The following LRCH1 variants were observed in gnomAD, a reference collection of about 807,000 sequenced individuals.
LRCH1 encodes the protein leucine rich repeats and calponin homology domain containing 1.
Under a neutral mutation model 94.9 loss-of-function variants are expected in LRCH1, and 23 were observed. The observed-to-expected ratio is 0.24, with a 90% CI of 0.17 to 0.34. The LOEUF (loss-of-function observed/expected upper bound fraction) is 0.34. LRCH1 is among the 10% of genes least tolerant of loss of function. The probability of loss-of-function intolerance (pLI) is 1.00; values close to 1 mark genes in which losing one functional copy is unlikely to be tolerated. For synonymous variants in LRCH1, 364 were observed against 354.9 expected, an observed-to-expected ratio of 1.03 and a Z score of -0.29; for missense variants, 790 against 945.9, an observed-to-expected ratio of 0.84 and a Z score of 2.16.
intron 3 of LRCH1, among the ~76,000 whole-genome samples, chr13:46,677,255 C>CAAAAAAAAAAAAAAAAAA (rs67827727): frequency 3.1e-5 from 3 of 98,076 alleles, no homozygotes; most frequent in Non-Finnish European, 4.1e-5. Flanking sequence ...ACTAAAAATA[C>CAAAAAAAAAAAAAAAAAA]AAAAAAAAAA....
intron 3 of LRCH1, among the ~76,000 whole-genome samples, chr13:46,673,390 A>G (rs1187689206): frequency 6.6e-6 from 1 of 152,232 alleles, no homozygotes; most frequent in Non-Finnish European, 1.5e-5. Context: ...GCTTAAGGTC[A>G]CGGTCTAAAA....
intron 1 of LRCH1, among the ~76,000 whole-genome samples, chr13:46,558,731 T>TCAAA (rs894027465): frequency 1.3e-5 from 2 of 152,092 alleles, no homozygotes; most frequent in Admixed American, 6.5e-5. Context: ...AGACTCTGTC[T>TCAAA]CAAACAAACA....
intron 11 of LRCH1, among the ~76,000 whole-genome samples, chr13:46,702,241 C>G (rs956048463): frequency 1.3e-5 from 2 of 152,186 alleles, no homozygotes; most frequent in Admixed American, 6.5e-5. Flanking sequence ...GTGGCTCACA[C>G]CTGTGATCCC....
intron 10 of LRCH1, among the ~76,000 whole-genome samples, chr13:46,700,248 C>G (rs956338066): frequency 1.3e-5 from 2 of 152,100 alleles, no homozygotes; most frequent in Non-Finnish European, 2.9e-5. Flanking sequence ...CAGGGTTTTT[C>G]TTCTTAGTGA....
intron 3 of LRCH1, among the ~76,000 whole-genome samples, chr13:46,673,368 G>A (rs2138126105): frequency 6.6e-6 from 1 of 152,274 alleles, no homozygotes; most frequent in Admixed American, 6.5e-5. Context: ...ACCACAAAGA[G>A]GGACTGGCCT....
chr13:46,685,788 T>G, intron 4 of LRCH1, 117 bp from the exon 5 acceptor site: 1 of 714,548 alleles, frequency 1.4e-6, no homozygotes, highest in Non-Finnish European at 2.2e-6. Context: ...TGCCTTTGAT[T>G]ATACTCAATT....
chr13:46,581,231 A>G (rs1018230913), intron 1 of LRCH1, among the ~76,000 whole-genome samples: 3 of 152,160 alleles, frequency 2.0e-5, no homozygotes, highest in Non-Finnish European at 4.4e-5. Context: ...AGCCCCTGCA[A>G]CAGGAGAGCT....
At chr13:46,652,298 G>C (rs1322471204) in intron 2 of LRCH1, among the ~76,000 whole-genome samples, 2 of 151,864 alleles carry the variant, frequency 1.3e-5, no homozygotes, top group Admixed American at 1.3e-4. Context: ...GGATGGTCTC[G>C]ATCTCCTGAC....
chr13:46,616,436 C>G (rs1049238834), intron 1 of LRCH1, among the ~76,000 whole-genome samples: 3 of 152,214 alleles, frequency 2.0e-5, no homozygotes, highest in Non-Finnish European at 2.9e-5. Flanking sequence ...AGTCTTTGGT[C>G]ATAAGCCTGA....
intron 1 of LRCH1, among the ~76,000 whole-genome samples, chr13:46,609,486 C>T (rs1252317232): frequency 6.6e-6 from 1 of 152,104 alleles, no homozygotes. Context: ...TTTTTATAAA[C>T]ATGTAGCTAC....
chr13:46,681,746 C>A lies in LRCH1; in HGVS notation c.585C>A (p.Val195=). ...TCTCTCTGCTTTTGATACAGGATGTCAGCTGCAACGAGATCACAGCGTTGC... is the reference window on the plus strand; with the variant it reads ...TCTCTCTGCTTTTGATACAGGATGTAAGCTGCAACGAGATCACAGCGTTGC... ...GQLKQLMELD[V]SCNEITALPQ... Residue 195 remains valine (V), a synonymous_variant, in exon 4 of 20, where the codon GTC becomes GTA. Transcript: ENST00000389797. The A allele has an allele frequency of 6.2e-7, 1 of 1,606,552 alleles. No homozygotes were observed. The highest frequency in any genetic ancestry group is 1.1e-5 in the South Asian group (1 of 90,892).
intron 4 of LRCH1, among the ~76,000 whole-genome samples, chr13:46,683,986 C>T (rs1870470566): frequency 3.3e-5 from 5 of 152,126 alleles, no homozygotes. Flanking sequence ...ATATGTTTTT[C>T]CTCTTTGGAT....
At chr13:46,719,931 G>A (rs1023806540) in intron 16 of LRCH1, among the ~76,000 whole-genome samples, 5 of 152,152 alleles carry the variant, frequency 3.3e-5, no homozygotes, top group African/African-American at 1.2e-4. Flanking sequence ...CTGGGAGGCG[G>A]AGTTTGCAGT....
intron 2 of LRCH1, among the ~76,000 whole-genome samples, chr13:46,655,340 A>G (rs1361046163): frequency 6.6e-6 from 1 of 152,198 alleles, no homozygotes. Context: ...ACACTTACAT[A>G]TTTTTCACAT....
At chr13:46,622,202 TC>T (rs67406010) in intron 1 of LRCH1, among the ~76,000 whole-genome samples, 104,586 of 141,236 alleles carry the variant, frequency 0.74, 37,285 homozygotes, top group Middle Eastern at 0.8. Flanking sequence ...TTTTTTTTTT[TC>T]CCCCCAAGGC....
At chr13:46,627,411 G>A (rs1594297407) in intron 1 of LRCH1, among the ~76,000 whole-genome samples, 1 of 152,148 alleles carries the variant, frequency 6.6e-6, no homozygotes, top group East Asian at 1.9e-4. Context: ...GAGTATCATA[G>A]AGTTTTAAAT....
At chr13:46,726,710 A>T (rs1010855333) in intron 17 of LRCH1, among the ~76,000 whole-genome samples, 38 of 151,976 alleles carry the variant, frequency 2.5e-4, no homozygotes, top group African/African-American at 8.7e-4. Flanking sequence ...ACCACGTGGG[A>T]ATTCTGGATT....
At chr13:46,597,189 A>T (rs1428635784) in intron 1 of LRCH1, among the ~76,000 whole-genome samples, 1 of 152,168 alleles carries the variant, frequency 6.6e-6, no homozygotes, top group East Asian at 1.9e-4. Flanking sequence ...TACCCGGTGG[A>T]GGTTGAACAA....
In LRCH1 at chr13:46,685,913, G is replaced by T; in HGVS notation, c.694G>T (p.Asp232Tyr). Residue 232 changes from aspartate to tyrosine, a missense_variant, in exon 5 of 20, where the codon GAT becomes TAT. This residue lies in a region of LRCH1 where 194 missense variants were observed against 293.5 expected (regional missense o/e 0.66). Transcript: ENST00000389797. ...YLKVLPQELV[D>Y]LSLVKFDFSC... is the part of the protein sequence containing the mutation. ...TTTTTCTATTATTTTAGAACTAGTA[G>T]ATCTTTCCTTGGTAAAGTTTGACTT... 1.3e-6 allele frequency: 2 copies of T among 1,587,822 alleles called. No homozygotes were observed. The highest frequency in any genetic ancestry group is 1.7e-6 in the Non-Finnish European group (2 of 1,168,586).
Sources: allele counts gnomAD v4.1 joint callset (sites outside exome capture counted in the v4.1 genomes callset), GRCh38; gene constraint gnomAD v4.1.1; regional missense constraint gnomAD v4.1.1; transcripts MANE v1.5; gene names NCBI Gene and HGNC (gene_info 2026-07-23, HGNC 2026-07-21).